The following MDM2 variants were observed in gnomAD, a reference collection of about 807,000 sequenced individuals.
MDM2 encodes E3 ubiquitin-protein ligase Mdm2.
MDM2 carries 11 observed loss-of-function variants against 64.3 expected under a neutral mutation model. The observed-to-expected ratio is 0.17, with a 90% CI of 0.11 to 0.28. The LOEUF is 0.28. MDM2 is among the 10% of genes least tolerant of loss of function. The probability of loss-of-function intolerance (pLI) is 1.00; values close to 1 mark genes in which losing one functional copy is unlikely to be tolerated. For missense variants in MDM2, 388 were observed against 577.1 expected (o/e 0.67, Z 3.36); for synonymous variants, 194 against 192.9 (o/e 1.01, Z -0.05).
At chr12:68,821,088 C>G (rs1304805286) in intron 5 of MDM2, among the ~76,000 whole-genome samples, 1 of 141,902 alleles carries the variant, frequency 7.0e-6, no homozygotes, top group Admixed American at 7.1e-5. Flanking sequence ...TGCTCTGTCA[C>G]TCAGGCTGGA....
intron 7 of MDM2, among the ~76,000 whole-genome samples, chr12:68,825,043 C>T (rs1031840520): frequency 1.3e-5 from 2 of 151,350 alleles, no homozygotes; most frequent in Non-Finnish European, 2.9e-5. Context: ...CCCATCTCTA[C>T]TAAAAAAAAT....
At chr12:68,830,704 C>CTATT (rs1441337768) in intron 8 of MDM2, among the ~76,000 whole-genome samples, 8 of 152,002 alleles carry the variant, frequency 5.3e-5, no homozygotes, top group East Asian at 1.9e-4. Flanking sequence ...TTATTATACC[C>CTATT]TATTTATTTA....
At chr12:68,824,882 G>A (rs1345439899) in intron 7 of MDM2, 12 of 462,764 alleles carry the variant, frequency 2.6e-5, no homozygotes, top group Non-Finnish European at 1.1e-5. Flanking sequence ...GGAGTTTATA[G>A]TTAGCCAACT....
intron 5 of MDM2, among the ~76,000 whole-genome samples, chr12:68,822,887 C>T (rs563998034): frequency 1.3e-5 from 2 of 151,894 alleles, no homozygotes; most frequent in Admixed American, 6.6e-5. Flanking sequence ...ATTACAGGTG[C>T]CTGCCACCAC....
Position 68,828,776 on chromosome 12 carries a change from A to G in MDM2, c.529A>G (p.Asn177Asp), listed in dbSNP as rs745680967. 6.2e-7 allele frequency: 1 copy of G among 1,613,908 alleles called. No individual in the cohort carries two copies. Among genetic ancestry groups the G allele is most frequent in the East Asian group, 2.2e-5 (1 of 44,870 alleles). Reference sequence around the variant, plus strand: ...TTTTTTCCTTACATATCCAGAAGAAAATTCAGATGAATTATCTGGTGAACG... The same window carrying G: ...TTTTTTCCTTACATATCCAGAAGAAGATTCAGATGAATTATCTGGTGAACG... The part of the protein sequence containing the change: ...RRRAISETEE[N>D]SDELSGERQR... Residue 177 changes from asparagine to aspartate, a missense_variant, in exon 8 of 11, where the codon AAT becomes GAT. Asn to Asp is a conservative substitution (Grantham distance 23). This residue lies in a region of MDM2 where 168 missense variants were observed against 236.6 expected (regional missense o/e 0.71). Coordinates refer to ENST00000258149, the MANE Select transcript of MDM2 (RefSeq NM_002392.6).
intron 4 of MDM2, among the ~76,000 whole-genome samples, chr12:68,819,398 C>G (rs1267034449): frequency 6.6e-6 from 1 of 152,170 alleles, no homozygotes; most frequent in African/African-American, 2.4e-5. Context: ...TGTTTTCCCC[C>G]GTGTCTGGTA....
chr12:68,814,393 A>G (rs978647120), intron 3 of MDM2, among the ~76,000 whole-genome samples: 1 of 152,240 alleles, frequency 6.6e-6, no homozygotes, highest in Non-Finnish European at 1.5e-5. Flanking sequence ...TATAAGTCAT[A>G]TTTTGAAATG....
In MDM2 at chr12:68,843,093, G is replaced by T. The variant is rs868516564; in HGVS notation, c.*3244G>T. 2.1e-4 allele frequency: 41 copies of T among 199,286 alleles called. No homozygotes were observed. The highest frequency in any genetic ancestry group is 1.5e-3 in the Middle Eastern group (1 of 650). The allele number at this position is 199,286 out of a possible 1,614,324, so 12.3% of individuals were successfully genotyped here. A position where few individuals can be genotyped will look rare whatever the true frequency, so the allele number is the denominator to read the frequency against. On this transcript the variant is annotated 3_prime_UTR_variant, in exon 11 of 11. Coordinates refer to ENST00000258149, the MANE Select transcript of MDM2 (RefSeq NM_002392.6). The stretch of plus-strand genomic sequence containing the variant: ...GTGCCTTTTGCAATTTGTTGTGTGG[G>T]TTTTTTTTTTTTTAAAGCCACACAA...
chr12:68,844,908 G>C lies in MDM2; in HGVS notation c.*5059G>C, dbSNP rs1369457371. On this transcript the variant is annotated 3_prime_UTR_variant, in exon 11 of 11. Coordinates refer to ENST00000258149, the MANE Select transcript of MDM2 (RefSeq NM_002392.6). ...TCAGCCTCCCAAGTAGCTGGGGTTA[G>C]AGCACCCTGTCACCACGCCCCGCTA... 2 of 200,640 alleles carry C rather than the reference G, an allele frequency of 1.0e-5. No homozygotes were observed. The highest frequency in any genetic ancestry group is 4.6e-5 in the African/African-American group (2 of 43,386). The allele number at this position is 200,640 out of a possible 1,614,324, so 12.4% of individuals were successfully genotyped here. A position where few individuals can be genotyped will look rare whatever the true frequency, so the allele number is the denominator to read the frequency against.
rs1414009724 is a variant in MDM2 at position 68,845,239 on chromosome 12, T to C, written c.*5390T>C. 1 of 216,360 alleles carries C rather than the reference T, an allele frequency of 4.6e-6. No homozygotes were observed. Among genetic ancestry groups the C allele is most frequent in the Non-Finnish European group, 9.3e-6 (1 of 107,676 alleles). The allele number at this position is 216,360 out of a possible 1,614,324, so 13.4% of individuals were successfully genotyped here. The stretch of plus-strand genomic sequence containing the variant: ...AAAGTATTTCTTCAGCTTAAAAAAT[T>C]GTTTAAAAGTTTGTGATCATATTGT... On this transcript the variant is annotated 3_prime_UTR_variant, in exon 11 of 11. Coordinates refer to ENST00000258149, the MANE Select transcript of MDM2 (RefSeq NM_002392.6).
In MDM2 at chr12:68,841,868, C is replaced by T. The variant is rs572660729; in HGVS notation, c.*2019C>T. On this transcript the variant is annotated 3_prime_UTR_variant, in exon 11 of 11. Coordinates refer to ENST00000258149, the MANE Select transcript of MDM2 (RefSeq NM_002392.6). ...CAGCATGTGGAATTCCAAGATACCT[C>T]TTGACTTCCTCTCAAGCTCCGTGTT... is the stretch of plus-strand genomic sequence containing the variant. 5 of 217,546 alleles carry T rather than the reference C, an allele frequency of 2.3e-5. No individual in the cohort carries two copies. The South Asian group carries it at 8.6e-4, about 37-fold the overall frequency. The allele number at this position is 217,546 out of a possible 1,614,324, so 13.5% of individuals were successfully genotyped here.
At chr12:68,811,550 A>G (rs1420356348) in intron 2 of MDM2, among the ~76,000 whole-genome samples, 2 of 150,552 alleles carry the variant, frequency 1.3e-5, no homozygotes, top group African/African-American at 2.4e-5. Context: ...CTGTTTTCTC[A>G]TTAATACATG....
chr12:68,826,585 G>A (rs1180150633), intron 7 of MDM2, among the ~76,000 whole-genome samples: 1 of 148,408 alleles, frequency 6.7e-6, no homozygotes, highest in Non-Finnish European at 1.5e-5. Context: ...GGATGTGGAG[G>A]TTGCAGTGAA....
At chr12:68,821,173 G>A (rs1881815765) in intron 5 of MDM2, among the ~76,000 whole-genome samples, 1 of 149,716 alleles carries the variant, frequency 6.7e-6, no homozygotes, top group African/African-American at 2.5e-5. Flanking sequence ...TCAGCCTCCC[G>A]AGTAGATGGG....
intron 5 of MDM2, among the ~76,000 whole-genome samples, chr12:68,821,427 A>C (rs1037428559): frequency 6.6e-6 from 1 of 152,164 alleles, no homozygotes; most frequent in African/African-American, 2.4e-5. Flanking sequence ...AACTACAGTT[A>C]AGAAATGCTC....
intron 3 of MDM2, among the ~76,000 whole-genome samples, chr12:68,815,080 C>A (rs1177372748): frequency 6.6e-6 from 1 of 152,204 alleles, no homozygotes; most frequent in East Asian, 1.9e-4. Flanking sequence ...TCCTTTAAGG[C>A]CGATGCCTGC....
At chr12:68,832,997 G>T (rs1289064440) in intron 8 of MDM2, among the ~76,000 whole-genome samples, 1 of 149,150 alleles carries the variant, frequency 6.7e-6, no homozygotes, top group Non-Finnish European at 1.5e-5. Flanking sequence ...GTGGTGGCGG[G>T]CACCTATAGT....
intron 2 of MDM2, among the ~76,000 whole-genome samples, chr12:68,813,228 T>A (rs570239541): frequency 2.6e-5 from 4 of 152,348 alleles, no homozygotes; most frequent in African/African-American, 9.6e-5. Context: ...TATTCATTTC[T>A]CTTTGATTCT....
chr12:68,819,180 C>T (rs1373014270), intron 4 of MDM2, among the ~76,000 whole-genome samples: 1 of 152,048 alleles, frequency 6.6e-6, no homozygotes, highest in Non-Finnish European at 1.5e-5. Flanking sequence ...TATCCTTATT[C>T]CCAAGGATGA....
Sources: gnomAD v4.1 joint callset for allele counts (sites outside exome capture counted in the v4.1 genomes callset) on GRCh38, gnomAD v4.1.1 for gene constraint, gnomAD v4.1.1 regional missense constraint, MANE v1.5 for transcripts, NCBI Gene and HGNC (gene_info 2026-07-23, HGNC 2026-07-21) for gene names.